Variants in MEGF9 observed in about 807,000 individuals in gnomAD.
The protein encoded by MEGF9 is multiple EGF like domains 9.
A neutral mutation model predicts 46.8 loss-of-function variants in MEGF9; 6 were observed. The ratio of observed to expected loss-of-function variants is 0.13; its 90% CI spans 0.07 to 0.25. The LOEUF is 0.25. Ranked by LOEUF, MEGF9 falls within the 10% of genes least tolerant of loss-of-function variation. The pLI is 1.00. For synonymous variants in MEGF9, 302 were observed against 330.7 expected, an observed-to-expected ratio of 0.91 and a Z score of 0.94; for missense variants, 683 against 792.4, an observed-to-expected ratio of 0.86 and a Z score of 1.66.
At position 120,704,279 on chromosome 9, in the gene MEGF9, A is replaced by C. The variant is rs191058867; in HGVS notation, c.601+9479T>G. 1.1e-3 allele frequency among the ~76,000 whole-genome samples: 170 copies of C among 152,132 alleles called. 6 individuals are homozygous for C. In the East Asian group the frequency reaches 0.031, roughly 28 times the overall value. Reference sequence around the variant, plus strand: ...AACCTATGAGGCAGAGGTTGCAGTGAGCTGAGAATCCGCCACTGCATCCCA... The same window carrying C: ...AACCTATGAGGCAGAGGTTGCAGTGCGCTGAGAATCCGCCACTGCATCCCA... On this transcript the variant is annotated intron_variant, in intron 1 of 5. Coordinates refer to ENST00000373930, the MANE Select transcript of MEGF9 (RefSeq NM_001080497.3).
At chr9:120,661,548 A>C (rs1323736377) in intron 1 of MEGF9, among the ~76,000 whole-genome samples, 1 of 152,116 alleles carries the variant, frequency 6.6e-6, no homozygotes, top group Admixed American at 6.6e-5. Flanking sequence ...TAAATAAATA[A>C]ATATTGGCAG....
intron 2 of MEGF9, among the ~76,000 whole-genome samples, chr9:120,639,687 T>C (rs976515902): frequency 6.6e-6 from 1 of 152,192 alleles, no homozygotes; most frequent in African/African-American, 2.4e-5. Flanking sequence ...TTAGTTAATA[T>C]GTGGTAAGCA....
intron 1 of MEGF9, among the ~76,000 whole-genome samples, chr9:120,694,354 T>C (rs2043865241): frequency 6.6e-6 from 1 of 152,176 alleles, no homozygotes; most frequent in East Asian, 1.9e-4. Context: ...ATCAACAGAA[T>C]TGAGAGGATT....
intron 1 of MEGF9, among the ~76,000 whole-genome samples, chr9:120,683,942 A>T (rs2043810066): frequency 6.6e-6 from 1 of 152,154 alleles, no homozygotes; most frequent in Non-Finnish European, 1.5e-5. Flanking sequence ...AAAAAAATTT[A>T]AAAATAAAAT....
At chr9:120,636,613 GTTAAC>G (rs1268685591) in intron 2 of MEGF9, among the ~76,000 whole-genome samples, 1 of 152,222 alleles carries the variant, frequency 6.6e-6, no homozygotes, top group South Asian at 2.1e-4. Flanking sequence ...ACTTGCAACA[GTTAAC>G]TTAATTCAAC....
chr9:120,608,614 A>C (rs1370364969), intron 4 of MEGF9, among the ~76,000 whole-genome samples: 1 of 152,128 alleles, frequency 6.6e-6, no homozygotes, highest in Non-Finnish European at 1.5e-5. Context: ...TCTAGTCTAC[A>C]TCTCTGTCCT....
chr9:120,688,416 A>T (rs1329202714), intron 1 of MEGF9, among the ~76,000 whole-genome samples: 1 of 152,184 alleles, frequency 6.6e-6, no homozygotes, highest in East Asian at 1.9e-4. Flanking sequence ...AAAAAGAAAA[A>T]GACATACATC....
At chr9:120,711,840 T>TAC (rs146669450) in intron 1 of MEGF9, among the ~76,000 whole-genome samples, 2,374 of 139,202 alleles carry the variant, frequency 0.017, 59 homozygotes, top group Admixed American at 0.073. Context: ...TATACATACA[T>TAC]ACATACACAC....
intron 2 of MEGF9, among the ~76,000 whole-genome samples, chr9:120,628,582 T>C (rs1247056835): frequency 7.1e-6 from 1 of 140,706 alleles, no homozygotes; most frequent in African/African-American, 2.6e-5. Context: ...CAAACCTCAA[T>C]TCCCAACGGT....
At chr9:120,635,656 T>C (rs922569971) in intron 2 of MEGF9, among the ~76,000 whole-genome samples, 1 of 152,182 alleles carries the variant, frequency 6.6e-6, no homozygotes, top group African/African-American at 2.4e-5. Flanking sequence ...AGTTGCAGGA[T>C]TTCTGGTTGG....
chr9:120,689,445 G>A (rs564190521), intron 1 of MEGF9, among the ~76,000 whole-genome samples: 1 of 151,952 alleles, frequency 6.6e-6, no homozygotes, highest in South Asian at 2.1e-4. Context: ...AAGAGAGGAA[G>A]AATAATCAGA....
At chr9:120,674,350 A>G (rs1344570146) in intron 1 of MEGF9, among the ~76,000 whole-genome samples, 1 of 152,234 alleles carries the variant, frequency 6.6e-6, no homozygotes, top group East Asian at 1.9e-4. Context: ...TTACCAAAGA[A>G]GATATATGTA....
At chr9:120,667,841 T>C (rs1251303550) in intron 1 of MEGF9, among the ~76,000 whole-genome samples, 2 of 152,098 alleles carry the variant, frequency 1.3e-5, no homozygotes, top group African/African-American at 4.8e-5. Context: ...GCCTGGCCAA[T>C]ATGGCAAAAC....
At chr9:120,694,117 G>A (rs2043863782) in intron 1 of MEGF9, among the ~76,000 whole-genome samples, 2 of 152,076 alleles carry the variant, frequency 1.3e-5, no homozygotes, top group Admixed American at 1.3e-4. Context: ...AGGTGGCAGG[G>A]GCAAAAGATG....
At chr9:120,675,438 T>A (rs919358772) in intron 1 of MEGF9, among the ~76,000 whole-genome samples, 1 of 151,814 alleles carries the variant, frequency 6.6e-6, no homozygotes, top group African/African-American at 2.4e-5. Context: ...AAAAAATTTT[T>A]AAAAATTACT....
Position 120,603,414 on chromosome 9 carries a change from C to T in MEGF9, c.*1776G>A, listed in dbSNP as rs1391910358. 4 of 152,116 alleles carry T rather than the reference C, an allele frequency of 2.6e-5. No homozygotes were observed. The highest frequency in any genetic ancestry group is 5.9e-5 in the Non-Finnish European group (4 of 68,020). The allele number at this position is 152,116 out of a possible 1,614,324, so 9.4% of individuals were successfully genotyped here. On this transcript the variant is annotated 3_prime_UTR_variant, in exon 6 of 6. Transcript: ENST00000373930. ...AATACGCAAAGCACCCTCAGATTAC[C>T]AGAAGTAGATTATTTGCTTGTACTC...
chr9:120,690,665 C>T (rs990814753), intron 1 of MEGF9, among the ~76,000 whole-genome samples: 2 of 152,096 alleles, frequency 1.3e-5, no homozygotes, highest in Non-Finnish European at 2.9e-5. Context: ...TTGAAAAGAA[C>T]TTTTTATAAT....
In MEGF9 at chr9:120,674,902, G is replaced by A. The variant is rs1222853826; in HGVS notation, c.602-15327C>T. Among the ~76,000 whole-genome samples the A allele has an allele frequency of 5.7e-5, 8 of 140,164 alleles. No individual in the cohort carries two copies. In the East Asian group the frequency reaches 8.5e-4, roughly 15 times the overall value. The allele number at this position is 140,164 out of a possible 152,430, so 92.0% of individuals were successfully genotyped here. On this transcript the variant is annotated intron_variant, in intron 1 of 5. Transcript: ENST00000373930. ...TCTATTTTTTTTTTTTTTTCGAGAC[G>A]GAGTCTTGCTCTGTCACCCAGGCTG...
At chr9:120,693,817 G>A (rs1170713133) in intron 1 of MEGF9, among the ~76,000 whole-genome samples, 2 of 151,944 alleles carry the variant, frequency 1.3e-5, no homozygotes, top group African/African-American at 4.8e-5. Context: ...TAGGCTATTA[G>A]CCCTTAAATG....
Sources: gnomAD v4.1 joint callset for allele counts (sites outside exome capture counted in the v4.1 genomes callset) on GRCh38, gnomAD v4.1.1 for gene constraint, MANE v1.5 for transcripts, NCBI Gene and HGNC (gene_info 2026-07-23, HGNC 2026-07-21) for gene names.